UNC5D: variants seen among roughly 807,000 people sequenced by gnomAD.
The protein encoded by UNC5D is unc-5 netrin receptor D, also known as netrin receptor UNC5D.
In UNC5D, 39 loss-of-function variants were observed where a neutral mutation model predicts 105.4. That is an observed-to-expected ratio of 0.37 (90% CI 0.29 to 0.48). The LOEUF is 0.48. Ranked by LOEUF, UNC5D falls within the 20% of genes least tolerant of loss-of-function variation. The pLI, the probability that UNC5D is intolerant of heterozygous loss-of-function variation, is 0.98. For missense variants in UNC5D, 991 were observed against 1,202.4 expected (o/e 0.82, Z 2.60); for synonymous variants, 452 against 450.4 (o/e 1.00, Z -0.04).
At position 35,557,588 on chromosome 8, in the gene UNC5D, G is replaced by A. The variant is rs1215515275; in HGVS notation, c.322+8078G>A. ...AGACATCTAAGCTCTCTCAAGATAC[G>A]GAGGTACGGTTCCATGACATTTCTT... On this transcript the variant is annotated intron_variant, in intron 2 of 16. Coordinates refer to ENST00000404895, the MANE Select transcript of UNC5D (RefSeq NM_080872.4). Among the ~76,000 whole-genome samples the A allele has an allele frequency of 2.6e-5, 4 of 152,102 alleles. 1 individual carries two copies. In the South Asian group the frequency reaches 6.2e-4, roughly 24 times the overall value.
rs7828989 is a variant in UNC5D at position 35,267,178 on chromosome 8, C to T, written c.103+31291C>T. 2.9e-3 allele frequency among the ~76,000 whole-genome samples: 442 copies of T among 149,898 alleles called. 2 individuals carry two copies. Among genetic ancestry groups the T allele is most frequent in the African/African-American group, 0.01 (417 of 40,674 alleles). On this transcript the variant is annotated intron_variant, in intron 1 of 16. Transcript: ENST00000404895. Reference sequence around the variant, plus strand: ...TAAATAAATTTTGCAAGTGTAATCACTGATTGAGTAGTCATTTTGATGGCG... The same window carrying T: ...TAAATAAATTTTGCAAGTGTAATCATTGATTGAGTAGTCATTTTGATGGCG...
intron 11 of UNC5D, among the ~76,000 whole-genome samples, chr8:35,746,273 T>C (rs1205871059): frequency 3.9e-5 from 6 of 152,172 alleles, no homozygotes; most frequent in Non-Finnish European, 5.9e-5. Flanking sequence ...CCTGCCTCTA[T>C]AGGTGTGCGA....
intron 1 of UNC5D, among the ~76,000 whole-genome samples, chr8:35,241,190 T>C (rs1802782794): frequency 6.6e-6 from 1 of 152,238 alleles, no homozygotes; most frequent in African/African-American, 2.4e-5. Context: ...AAAATAGATA[T>C]TCGTTCTATT....
chr8:35,331,474 G>A (rs1448051355), intron 1 of UNC5D, among the ~76,000 whole-genome samples: 2 of 152,080 alleles, frequency 1.3e-5, no homozygotes, highest in Non-Finnish European at 2.9e-5. Context: ...AAAGGAGGAG[G>A]CCAGAGTTGT....
At chr8:35,515,147 T>C (rs1813026315) in intron 1 of UNC5D, among the ~76,000 whole-genome samples, 1 of 152,226 alleles carries the variant, frequency 6.6e-6, no homozygotes, top group Admixed American at 6.5e-5. Flanking sequence ...TTCACCTTTA[T>C]GTTGTAACTG....
At chr8:35,692,835 G>C (rs142771629) in intron 7 of UNC5D, among the ~76,000 whole-genome samples, 1 of 152,230 alleles carries the variant, frequency 6.6e-6, no homozygotes, top group South Asian at 2.1e-4. Context: ...CATAGTAGGT[G>C]CTCCTTTTTA....
At position 35,349,424 on chromosome 8, in the gene UNC5D, ACCATTTTCATTACTATTGC is replaced by A. The variant is rs538312642; in HGVS notation, c.103+113539_103+113557del. ...AGCCATTTCACAATGCAATATCAAA[ACCATTTTCATTACTATTGC>A]CACTGATTTCATCAGAAAAGCTTTT... On this transcript the variant is annotated intron_variant, in intron 1 of 16. Coordinates refer to ENST00000404895, the MANE Select transcript of UNC5D (RefSeq NM_080872.4). Among the ~76,000 whole-genome samples, 358 of 152,092 alleles carry A rather than the reference ACCATTTTCATTACTATTGC, an allele frequency of 2.4e-3. 2 individuals are homozygous for A. The highest frequency in any genetic ancestry group is 2.9e-3 in the Non-Finnish European group (197 of 67,896).
chr8:35,614,305 T>C (rs1820876282), intron 4 of UNC5D, among the ~76,000 whole-genome samples: 1 of 152,174 alleles, frequency 6.6e-6, no homozygotes, highest in Non-Finnish European at 1.5e-5. Flanking sequence ...TTAACCTCAA[T>C]CAAACAGACT....
At chr8:35,542,534 C>T (rs1444879893) in intron 1 of UNC5D, among the ~76,000 whole-genome samples, 1 of 152,186 alleles carries the variant, frequency 6.6e-6, no homozygotes, top group East Asian at 1.9e-4. Flanking sequence ...TGTTTATTAA[C>T]TACTTGCCTA....
rs540796342 is a variant in UNC5D at position 35,602,407 on chromosome 8, C to T, written c.570+6750C>T. 1.2e-4 allele frequency among the ~76,000 whole-genome samples: 19 copies of T among 152,288 alleles called. No individual in the cohort carries two copies. In the South Asian group the frequency reaches 3.3e-3, roughly 27 times the overall value. ...TCCTCCTTGTACCTCTGGTAGAATT[C>T]GGCCATAAATCCATCTGGTCCTGGA... On this transcript the variant is annotated intron_variant, in intron 4 of 16. Transcript: ENST00000404895.
intron 4 of UNC5D, among the ~76,000 whole-genome samples, chr8:35,646,147 C>T (rs573980915): frequency 6.6e-6 from 1 of 152,186 alleles, no homozygotes; most frequent in African/African-American, 2.4e-5. Flanking sequence ...ACTTTCTGAG[C>T]ACTTATTGTG....
chr8:35,398,159 G>A (rs915726418), intron 1 of UNC5D, among the ~76,000 whole-genome samples: 2 of 152,082 alleles, frequency 1.3e-5, no homozygotes, highest in Non-Finnish European at 2.9e-5. Flanking sequence ...TCCAAACCAG[G>A]ACACTATTTA....
chr8:35,444,856 T>G (rs962659374), intron 1 of UNC5D, among the ~76,000 whole-genome samples: 1 of 152,020 alleles, frequency 6.6e-6, no homozygotes, highest in African/African-American at 2.4e-5. Flanking sequence ...CAAATTTTAG[T>G]TAGTAATTTT....
intron 7 of UNC5D, among the ~76,000 whole-genome samples, chr8:35,687,634 G>C (rs1826103439): frequency 6.6e-6 from 1 of 151,998 alleles, no homozygotes; most frequent in African/African-American, 2.4e-5. Flanking sequence ...AGAAGGCATG[G>C]GAGGGTCAAC....
At chr8:35,663,041 C>A (rs1824206213) in intron 4 of UNC5D, among the ~76,000 whole-genome samples, 1 of 152,192 alleles carries the variant, frequency 6.6e-6, no homozygotes, top group South Asian at 2.1e-4. Context: ...AACCATCCCC[C>A]ACTTCCCCCA....
At chr8:35,261,964 T>G (rs2128822660) in intron 1 of UNC5D, among the ~76,000 whole-genome samples, 1 of 152,258 alleles carries the variant, frequency 6.6e-6, no homozygotes. Context: ...AAAAGTGGGT[T>G]ATTGTAGTTG....
chr8:35,709,658 C>T (rs1206652554), intron 8 of UNC5D, among the ~76,000 whole-genome samples: 1 of 152,050 alleles, frequency 6.6e-6, no homozygotes, highest in Non-Finnish European at 1.5e-5. Flanking sequence ...CCACTGCACT[C>T]CAGCCTGGGC....
intron 1 of UNC5D, among the ~76,000 whole-genome samples, chr8:35,249,909 G>T (rs1338845287): frequency 6.6e-6 from 1 of 151,606 alleles, no homozygotes; most frequent in African/African-American, 2.4e-5. Context: ...CAAATCCCTT[G>T]TCTTCACTGA....
chr8:35,627,640 A>G (rs981833943), intron 4 of UNC5D, among the ~76,000 whole-genome samples: 3 of 152,302 alleles, frequency 2.0e-5, no homozygotes, highest in Middle Eastern at 6.8e-3. Flanking sequence ...TAAAAAGAAT[A>G]AAACTTGACT....
Sources: allele counts gnomAD v4.1 joint callset (sites outside exome capture counted in the v4.1 genomes callset), GRCh38; gene constraint gnomAD v4.1.1; transcripts MANE v1.5; gene names NCBI Gene and HGNC (gene_info 2026-07-23, HGNC 2026-07-21).